RASA2: variants seen among roughly 807,000 people sequenced by gnomAD.
RASA2 encodes RAS p21 protein activator 2.
Under a neutral mutation model 118.2 loss-of-function variants are expected in RASA2, and 155 were observed. The ratio of observed to expected loss-of-function variants is 1.31; its 90% CI spans 1.15 to 1.50. The LOEUF is 1.50. Ranked by LOEUF, RASA2 falls within the 40% of genes most tolerant of loss-of-function variation. The pLI is 0.00. For synonymous variants in RASA2, 353 were observed against 349.1 expected, an observed-to-expected ratio of 1.01 and a Z score of -0.12; for missense variants, 1,016 against 1,009.6, an observed-to-expected ratio of 1.01 and a Z score of -0.09.
chr3:141,567,382 T>C (rs1276930725), intron 9 of RASA2, among the ~76,000 whole-genome samples: 1 of 152,054 alleles, frequency 6.6e-6, no homozygotes, highest in South Asian at 2.1e-4. Context: ...GCCATTGCAC[T>C]CCAGCCTGGG....
chr3:141,549,968 A>G (rs2082548555), intron 5 of RASA2, among the ~76,000 whole-genome samples: 1 of 152,252 alleles, frequency 6.6e-6, no homozygotes, highest in African/African-American at 2.4e-5. Flanking sequence ...ATAGAATAAA[A>G]TAAATATAAG....
chr3:141,583,535 A>G (rs953667279), intron 17 of RASA2, among the ~76,000 whole-genome samples: 1 of 152,212 alleles, frequency 6.6e-6, no homozygotes, highest in Non-Finnish European at 1.5e-5. Context: ...CCATTAGTGC[A>G]TGGTCCATCT....
Position 141,571,531 on chromosome 3 carries a change from T to G in RASA2, c.1146T>G (p.Ala382=). The change falls in exon 11 of 24, where the codon GCT becomes GCG. Residue 382 remains alanine, a synonymous_variant. Coordinates refer to ENST00000286364, the MANE Select transcript of RASA2 (RefSeq NM_006506.5). ...DKLVPFATAV[A]ELDLKDTQDA... Reference sequence around the variant, plus strand: ...TTGTTCCTTTTGCCACTGCTGTGGCTGAATTAGACTTGAAGGATACACAGT... The same window carrying G: ...TTGTTCCTTTTGCCACTGCTGTGGCGGAATTAGACTTGAAGGATACACAGT... 1 of 1,612,056 alleles carries G rather than the reference T, an allele frequency of 6.2e-7. No homozygotes were observed. The highest frequency in any genetic ancestry group is 8.5e-7 in the Non-Finnish European group (1 of 1,178,712).
At chr3:141,609,292 A>G (rs2107802494) in intron 21 of RASA2, 128 bp from the exon 22 acceptor site, 1 of 528,044 alleles carries the variant, frequency 1.9e-6, no homozygotes, top group South Asian at 4.8e-5. Flanking sequence ...GTCAAATGAA[A>G]CTAAATTTCC....
At chr3:141,500,631 G>A (rs577267620) in intron 1 of RASA2, among the ~76,000 whole-genome samples, 191 of 152,182 alleles carry the variant, frequency 1.3e-3, no homozygotes, top group Admixed American at 2.2e-3. Flanking sequence ...GTTAAGTGTT[G>A]GTTCTAACAT....
At chr3:141,589,218 C>A (rs976022841) in intron 19 of RASA2, among the ~76,000 whole-genome samples, 24 of 152,054 alleles carry the variant, frequency 1.6e-4, no homozygotes, top group African/African-American at 5.6e-4. Flanking sequence ...AATGTTCTCA[C>A]CTATGCATAG....
intron 3 of RASA2, among the ~76,000 whole-genome samples, chr3:141,520,193 A>G (rs1309328791): frequency 6.6e-6 from 1 of 151,614 alleles, no homozygotes; most frequent in Non-Finnish European, 1.5e-5. Flanking sequence ...TTGTATTTTT[A>G]GTAGAGACAG....
At chr3:141,577,194 G>T in intron 15 of RASA2, 88 bp downstream of exon 15, 2 of 1,005,978 alleles carry the variant, frequency 2.0e-6, no homozygotes, top group South Asian at 1.9e-5. Flanking sequence ...ATTTCACTAG[G>T]CTGTATTTTC....
At chr3:141,584,036 G>T (rs549623652) in intron 17 of RASA2, among the ~76,000 whole-genome samples, 43 of 152,016 alleles carry the variant, frequency 2.8e-4, no homozygotes, top group Admixed American at 8.5e-4. Flanking sequence ...AAGAAGAAAA[G>T]AAAAGAATTG....
chr3:141,489,195 C>T (rs142186353), intron 1 of RASA2, among the ~76,000 whole-genome samples: 20 of 152,148 alleles, frequency 1.3e-4, no homozygotes, highest in African/African-American at 4.3e-4. Flanking sequence ...AATTGCTTAT[C>T]TTATAGCTCA....
intron 1 of RASA2, among the ~76,000 whole-genome samples, chr3:141,505,421 A>C (rs1485830471): frequency 6.6e-6 from 1 of 152,114 alleles, no homozygotes; most frequent in African/African-American, 2.4e-5. Flanking sequence ...ATAGGAATTG[A>C]GGAAGACTTT....
Position 141,555,966 on chromosome 3 carries a change from A to G in RASA2, c.684+54A>G, listed in dbSNP as rs2082643908. On this transcript the variant is annotated intron_variant, in intron 7 of 23. Transcript: ENST00000286364. ...CATTAAATATGTAATATTTAATGCT[A>G]GTTGATTTCTTTTTTCAAACCACAG... 1.3e-5 allele frequency: 17 copies of G among 1,358,080 alleles called. No homozygotes were observed. The South Asian group carries it at 2.1e-4, about 17-fold the overall frequency. The allele number at this position is 1,358,080 out of a possible 1,614,324, so 84.1% of individuals were successfully genotyped here.
At chr3:141,557,929 C>G (rs932827471) in intron 7 of RASA2, among the ~76,000 whole-genome samples, 1 of 152,126 alleles carries the variant, frequency 6.6e-6, no homozygotes, top group Non-Finnish European at 1.5e-5. Flanking sequence ...GCATAATTAG[C>G]TTGAGGGCTG....
At chr3:141,540,416 C>A in intron 4 of RASA2, 117 bp from the exon 5 acceptor site, 1 of 702,312 alleles carries the variant, frequency 1.4e-6, no homozygotes, top group Non-Finnish European at 2.3e-6. Flanking sequence ...TTAGTGTAGG[C>A]AAAGCCATGT....
At chr3:141,563,400 T>C (rs2082767393) in intron 9 of RASA2, among the ~76,000 whole-genome samples, 1 of 152,216 alleles carries the variant, frequency 6.6e-6, no homozygotes, top group South Asian at 2.1e-4. Context: ...AATTATTTAA[T>C]TCACAAGGAT....
intron 19 of RASA2, among the ~76,000 whole-genome samples, chr3:141,589,425 C>T (rs895397365): frequency 2.0e-5 from 3 of 152,106 alleles, no homozygotes; most frequent in Admixed American, 2.0e-4. Flanking sequence ...GTCTAGAAAA[C>T]TGTACCTACA....
chr3:141,495,888 G>C (rs1022477372), intron 1 of RASA2, among the ~76,000 whole-genome samples: 5 of 152,244 alleles, frequency 3.3e-5, no homozygotes, highest in African/African-American at 1.2e-4. Flanking sequence ...GTATATCTAT[G>C]TTATGAAAGG....
intron 16 of RASA2, among the ~76,000 whole-genome samples, chr3:141,580,831 TAA>T (rs79713135): frequency 8.9e-5 from 12 of 134,122 alleles, no homozygotes; most frequent in Non-Finnish European, 1.3e-4. Context: ...ATGAGAACAT[TAA>T]AAAAAAAAAA....
chr3:141,507,103 C>T (rs1337626539), intron 1 of RASA2, among the ~76,000 whole-genome samples: 1 of 151,960 alleles, frequency 6.6e-6, no homozygotes, highest in Non-Finnish European at 1.5e-5. Context: ...AAAGGATTCC[C>T]TTTTTAAGTG....
Sources: allele counts gnomAD v4.1 joint callset (sites outside exome capture counted in the v4.1 genomes callset), GRCh38; gene constraint gnomAD v4.1.1; transcripts MANE v1.5; gene names NCBI Gene and HGNC (gene_info 2026-07-23, HGNC 2026-07-21).